The following SOX5 variants were observed in gnomAD, a reference collection of about 807,000 sequenced individuals.
SOX5 encodes transcription factor SOX-5.
Under a neutral mutation model 92.0 loss-of-function variants are expected in SOX5, and 9 were observed. The observed-to-expected ratio is 0.10, with a 90% CI of 0.06 to 0.17. The LOEUF is 0.17. SOX5 is among the 10% of genes least tolerant of loss of function. The probability of loss-of-function intolerance (pLI) is 1.00; values close to 1 mark genes in which losing one functional copy is unlikely to be tolerated. For synonymous variants in SOX5, 344 were observed against 336.3 expected (o/e 1.02, Z -0.25); for missense variants, 642 against 944.5 (o/e 0.68, Z 4.20).
intron 3 of SOX5, among the ~76,000 whole-genome samples, chr12:23,778,633 A>T (rs1391856767): frequency 6.6e-5 from 10 of 152,356 alleles, no homozygotes; most frequent in African/African-American, 2.4e-4. Flanking sequence ...CAGGAAATGT[A>T]TATAAGCAGA....
intron 2 of SOX5, among the ~76,000 whole-genome samples, chr12:24,344,432 CG>C (rs1011856273): frequency 1.3e-5 from 2 of 151,888 alleles, no homozygotes; most frequent in African/African-American, 4.8e-5. Flanking sequence ...GGAACAACGT[CG>C]GGGAGAAGCT....
chr12:23,718,618 G>C (rs2092640832), intron 6 of SOX5, among the ~76,000 whole-genome samples: 1 of 152,072 alleles, frequency 6.6e-6, no homozygotes, highest in South Asian at 2.1e-4. Context: ...CTTTGTGTCT[G>C]TTTTCCTATT....
At chr12:23,683,550 G>A (rs976521993) in intron 6 of SOX5, among the ~76,000 whole-genome samples, 1 of 151,776 alleles carries the variant, frequency 6.6e-6, no homozygotes, top group Non-Finnish European at 1.5e-5. Context: ...AAGGTCACAT[G>A]TGGTTCTCAA....
At chr12:24,495,531 T>A (rs1040135349) in intron 1 of SOX5, among the ~76,000 whole-genome samples, 1 of 152,182 alleles carries the variant, frequency 6.6e-6, no homozygotes, top group Non-Finnish European at 1.5e-5. Flanking sequence ...TATCAACCAA[T>A]AACAAATCTG....
intron 2 of SOX5, among the ~76,000 whole-genome samples, chr12:24,327,614 C>T (rs764123022): frequency 3.3e-5 from 5 of 151,348 alleles, no homozygotes; most frequent in East Asian, 1.9e-4. Context: ...GACAGAGTCT[C>T]GCTCTGTCCC....
Position 23,551,389 on chromosome 12 carries a change from AAT to A in SOX5, c.1489-4967_1489-4966del, listed in dbSNP as rs530521744. Among the ~76,000 whole-genome samples, 14 of 151,980 alleles carry A rather than the reference AAT, an allele frequency of 9.2e-5. No individual in the cohort carries two copies. The East Asian group carries it at 2.1e-3, about 23-fold the overall frequency. On this transcript the variant is annotated intron_variant, in intron 11 of 14. Coordinates refer to ENST00000451604, the MANE Select transcript of SOX5 (RefSeq NM_006940.6). ...ACCTCTCGTTTCACTCTTGCTTATT[AAT>A]ATCTCAATTTTTTTAGAAAATAATC...
At chr12:24,029,922 A>G (rs1247210092) in intron 4 of SOX5, among the ~76,000 whole-genome samples, 1 of 152,036 alleles carries the variant, frequency 6.6e-6, no homozygotes, top group East Asian at 1.9e-4. Context: ...AACCACATCT[A>G]TGTAGCACTT....
intron 2 of SOX5, among the ~76,000 whole-genome samples, chr12:23,871,916 T>C (rs1188025131): frequency 6.6e-6 from 1 of 151,974 alleles, no homozygotes; most frequent in Admixed American, 6.6e-5. Flanking sequence ...TTCTTTCCTG[T>C]GATTATTCTA....
chr12:23,665,764 G>C (rs892123733), intron 6 of SOX5, among the ~76,000 whole-genome samples, 200 bp from the exon 7 acceptor site: 1 of 152,106 alleles, frequency 6.6e-6, no homozygotes, highest in Non-Finnish European at 1.5e-5. Context: ...GAGCTGAAAG[G>C]TATTATTAAG....
intron 6 of SOX5, among the ~76,000 whole-genome samples, chr12:23,684,175 C>A (rs945175297): frequency 6.6e-6 from 1 of 151,994 alleles, no homozygotes; most frequent in African/African-American, 2.4e-5. Context: ...TATTAAACAG[C>A]AATTTACATG....
intron 9 of SOX5, chr12:23,582,104 T>C: frequency 1.0e-6 from 1 of 968,094 alleles, no homozygotes; most frequent in Non-Finnish European, 1.2e-6. Context: ...CGTATTAACC[T>C]AAGTAGGGAA....
intron 3 of SOX5, chr12:24,227,136 C>T (rs1384691711): frequency 6.6e-6 from 1 of 152,204 alleles, no homozygotes; most frequent in Admixed American, 6.5e-5. Flanking sequence ...GTAACACATT[C>T]ATTCTGTTGT....
chr12:23,791,068 A>G (rs983220121), intron 3 of SOX5, among the ~76,000 whole-genome samples: 1 of 152,150 alleles, frequency 6.6e-6, no homozygotes, highest in African/African-American at 2.4e-5. Flanking sequence ...GGAAATTTCT[A>G]TTTTTTCCAA....
chr12:23,708,923 A>G (rs1412969284), intron 6 of SOX5, among the ~76,000 whole-genome samples: 1 of 152,012 alleles, frequency 6.6e-6, no homozygotes, highest in Non-Finnish European at 1.5e-5. Flanking sequence ...AATACAAGGT[A>G]CCTCTATACT....
At chr12:24,161,098 C>T (rs563383551) in intron 4 of SOX5, among the ~76,000 whole-genome samples, 2 of 152,206 alleles carry the variant, frequency 1.3e-5, no homozygotes, top group African/African-American at 4.8e-5. Flanking sequence ...CCAGATGTTC[C>T]TACGCTGAGG....
upstream of SOX5, chr12:24,562,612 G>A (rs1476355435): frequency 6.6e-6 from 1 of 152,240 alleles, no homozygotes; most frequent in African/African-American, 2.4e-5. Context: ...GGCGGCTTCA[G>A]AGACAAACAA....
chr12:23,865,416 C>T (rs1247480734), intron 2 of SOX5, among the ~76,000 whole-genome samples: 1 of 152,202 alleles, frequency 6.6e-6, no homozygotes, highest in African/African-American at 2.4e-5. Context: ...TGGCCCATGC[C>T]TGTAATCACA....
chr12:24,457,038 T>C (rs1197987393), intron 1 of SOX5, among the ~76,000 whole-genome samples: 1 of 152,240 alleles, frequency 6.6e-6, no homozygotes, highest in Non-Finnish European at 1.5e-5. Context: ...ATGCCATACA[T>C]TGTTTTAATG....
chr12:23,914,186 AT>A (rs555587142), intron 1 of SOX5, among the ~76,000 whole-genome samples: 11 of 151,826 alleles, frequency 7.2e-5, no homozygotes, highest in Admixed American at 5.9e-4. Flanking sequence ...ATGAAGTCTA[AT>A]TTTTTTTTAA....
Sources: gnomAD v4.1 joint callset for allele counts (sites outside exome capture counted in the v4.1 genomes callset) on GRCh38, gnomAD v4.1.1 for gene constraint, MANE v1.5 for transcripts, NCBI Gene and HGNC (gene_info 2026-07-23, HGNC 2026-07-21) for gene names.